Variants in MYO9B observed in about 807,000 individuals in gnomAD.
The protein encoded by MYO9B is unconventional myosin-IXb.
MYO9B carries 71 observed loss-of-function variants against 229.5 expected under a neutral mutation model. The observed-to-expected ratio is 0.31, with a 90% CI of 0.26 to 0.38. The LOEUF is 0.38. MYO9B is among the 10% of genes least tolerant of loss of function. The probability of loss-of-function intolerance (pLI) is 1.00; values close to 1 mark genes in which losing one functional copy is unlikely to be tolerated. For missense variants in MYO9B, 2,255 were observed against 2,920.5 expected (o/e 0.77, Z 5.25); for synonymous variants, 1,185 against 1,235.8 (o/e 0.96, Z 0.86).
At chr19:17,159,519 T>A (rs2072575083) in intron 8 of MYO9B, 35 bp downstream of exon 8, 3 of 1,556,700 alleles carry the variant, frequency 1.9e-6, no homozygotes, top group East Asian at 2.3e-5. Context: ...GGGTGCCAGA[T>A]CCCAAAAACC....
chr19:17,089,396 A>G (rs1452542859), intron 1 of MYO9B, among the ~76,000 whole-genome samples: 1 of 152,244 alleles, frequency 6.6e-6, no homozygotes, highest in East Asian at 1.9e-4. Context: ...TTAGCTTGAG[A>G]ATGATTTCAT....
chr19:17,144,458 G>A (rs140842690), intron 2 of MYO9B, among the ~76,000 whole-genome samples: 1,920 of 147,768 alleles, frequency 0.013, 41 homozygotes, highest in African/African-American at 0.045. Flanking sequence ...TTAGCCAGGC[G>A]TGGTGGTGCA....
In MYO9B at chr19:17,184,323, C is replaced by T. The variant is rs116300303; in HGVS notation, c.2373+455C>T. On this transcript the variant is annotated intron_variant, in intron 16 of 39. Transcript: ENST00000682292. ...CAGACAGGACAGAGAACCTCCCAAG[C>T]GCTCTGTCTCGTTTCCACATACAAG... Among the ~76,000 whole-genome samples, 1,244 of 152,304 alleles carry T rather than the reference C, an allele frequency of 8.2e-3. 13 individuals are homozygous for T. Among genetic ancestry groups the T allele is most frequent in the African/African-American group, 0.028 (1,146 of 41,570 alleles).
chr19:17,095,633 C>G (rs149756278), intron 1 of MYO9B: 2 of 152,194 alleles, frequency 1.3e-5, no homozygotes, highest in African/African-American at 2.4e-5. Flanking sequence ...TTCCACCTTT[C>G]GGCTATTGTG....
At chr19:17,192,477 C>T (rs2072995931) in intron 20 of MYO9B, among the ~76,000 whole-genome samples, 1 of 151,814 alleles carries the variant, frequency 6.6e-6, no homozygotes, top group Non-Finnish European at 1.5e-5. Context: ...CACCTGTAGT[C>T]CCAGCTACTC....
chr19:17,133,329 A>T (rs1261419081), intron 2 of MYO9B, among the ~76,000 whole-genome samples: 2 of 152,176 alleles, frequency 1.3e-5, no homozygotes, highest in Non-Finnish European at 2.9e-5. Flanking sequence ...CAAAATACAA[A>T]AATATTTACA....
At chr19:17,181,762 G>A (rs995549738) in intron 15 of MYO9B, among the ~76,000 whole-genome samples, 14 of 152,030 alleles carry the variant, frequency 9.2e-5, no homozygotes, top group African/African-American at 2.9e-4. Context: ...TCTTTCGTTC[G>A]TTCTTTATTT....
At position 17,110,896 on chromosome 19, in the gene MYO9B, C is replaced by G. The variant is rs574960439; in HGVS notation, c.840+8339C>G. 5.6e-4 allele frequency among the ~76,000 whole-genome samples: 85 copies of G among 152,252 alleles called. 1 individual carries two copies. Among genetic ancestry groups the G allele is most frequent in the African/African-American group, 1.8e-3 (73 of 41,550 alleles). Reference sequence around the variant, plus strand: ...TCTTGGGGCAAAGGAACCTAGGACTCGTACCCACCTGGACCGGGTCCTGAG... The same window carrying G: ...TCTTGGGGCAAAGGAACCTAGGACTGGTACCCACCTGGACCGGGTCCTGAG... On this transcript the variant is annotated intron_variant, in intron 2 of 39. Coordinates refer to ENST00000682292, the MANE Select transcript of MYO9B (RefSeq NM_004145.4).
chr19:17,174,912 C>T (rs769665006), intron 13 of MYO9B, among the ~76,000 whole-genome samples: 31 of 149,748 alleles, frequency 2.1e-4, no homozygotes, highest in Non-Finnish European at 3.4e-4. Flanking sequence ...CCAGCCCAGG[C>T]GACAGTGCAA....
Position 17,156,957 on chromosome 19 carries a change from T to C in MYO9B, c.1248T>C (p.Tyr416=), listed in dbSNP as rs767897149. 61 of 1,613,726 alleles carry C rather than the reference T, an allele frequency of 3.8e-5. No homozygotes were observed. The highest frequency in any genetic ancestry group is 6.7e-5 in the East Asian group (3 of 44,898). ...TCCTGTACCTGGGCAACGTCACTTATAAGAAGAGAGCTACAGGCCGAGAGG... is the reference window on the plus strand; with the variant it reads ...TCCTGTACCTGGGCAACGTCACTTACAAGAAGAGAGCTACAGGCCGAGAGG... The part of the protein sequence containing the change: ...SAILYLGNVT[Y]KKRATGREEG... The change falls in exon 7 of 40, where the codon TAT becomes TAC. Residue 416 remains tyrosine (Y), a synonymous_variant. Coordinates refer to ENST00000682292, the MANE Select transcript of MYO9B (RefSeq NM_004145.4).
intron 8 of MYO9B, among the ~76,000 whole-genome samples, chr19:17,160,516 T>TTC (rs2072587736): frequency 6.7e-6 from 1 of 148,368 alleles, no homozygotes; most frequent in East Asian, 1.9e-4. Flanking sequence ...TTTTCTTTTT[T>TTC]TTTTTTTTTT....
At chr19:17,107,345 C>CCCCG (rs1264034173) in intron 2 of MYO9B, among the ~76,000 whole-genome samples, 1 of 152,162 alleles carries the variant, frequency 6.6e-6, no homozygotes, top group East Asian at 1.9e-4. Context: ...AATGCCTGAG[C>CCCCG]CCCGCAGAAA....
intron 29 of MYO9B, 78 bp downstream of exon 29, chr19:17,202,961 G>A: frequency 6.6e-7 from 1 of 1,525,064 alleles, no homozygotes; most frequent in East Asian, 2.4e-5. Flanking sequence ...CAGTGTCAAT[G>A]TGCGCATGGG....
chr19:17,154,470 G>A, intron 6 of MYO9B, 55 bp downstream of exon 6: 3 of 1,374,988 alleles, frequency 2.2e-6, no homozygotes, highest in South Asian at 1.2e-5. Flanking sequence ...GGGCACGCAT[G>A]GCCCTTACCA....
At chr19:17,080,973 TCAG>T (rs2057528844) in intron 1 of MYO9B, among the ~76,000 whole-genome samples, 1 of 152,158 alleles carries the variant, frequency 6.6e-6, no homozygotes, top group East Asian at 1.9e-4. Flanking sequence ...TGGACACAGC[TCAG>T]CCCATAATAC....
chr19:17,205,998 C>G lies in MYO9B; in HGVS notation c.5103C>G (p.Cys1701Trp). 1 of 1,598,026 alleles carries G rather than the reference C, an allele frequency of 6.3e-7. No individual in the cohort carries two copies. The highest frequency in any genetic ancestry group is 1.1e-5 in the South Asian group (1 of 89,686). Residue 1701 changes from cysteine to tryptophan, a missense_variant, in exon 32 of 40, where the codon TGC (cysteine) becomes TGG (tryptophan). By Grantham distance (215) the Cys-to-Trp change is radical. This residue lies in a region of MYO9B where 416 missense variants were observed against 605.5 expected (regional missense o/e 0.69). Transcript: ENST00000682292. The stretch of plus-strand genomic sequence containing the variant: ...TTGAGCCTGGCCACTTCGGCGTGTG[C>G]GTAGACAGCCTGACCAGCGACAAGG... ...PGVEPGHFGV[C>W]VDSLTSDKAS...
At chr19:17,156,665 T>A (rs1295988259) in intron 6 of MYO9B, among the ~76,000 whole-genome samples, 1 of 152,108 alleles carries the variant, frequency 6.6e-6, no homozygotes, top group Non-Finnish European at 1.5e-5. Context: ...TACAGTGAGC[T>A]ATGATTGTGT....
chr19:17,147,924 T>C (rs766081679), intron 3 of MYO9B, among the ~76,000 whole-genome samples: 29 of 150,984 alleles, frequency 1.9e-4, no homozygotes, highest in Non-Finnish European at 3.0e-4. Flanking sequence ...TCAGGTGATC[T>C]GCCCGCCTTG....
At chr19:17,083,145 C>T (rs1267191978) in intron 1 of MYO9B, among the ~76,000 whole-genome samples, 1 of 150,888 alleles carries the variant, frequency 6.6e-6, no homozygotes, top group Non-Finnish European at 1.5e-5. Context: ...AGTGATCGTC[C>T]TACCTCATTC....
Sources: allele counts gnomAD v4.1 joint callset (sites outside exome capture counted in the v4.1 genomes callset), GRCh38; gene constraint gnomAD v4.1.1; regional missense constraint gnomAD v4.1.1; transcripts MANE v1.5; gene names NCBI Gene and HGNC (gene_info 2026-07-23, HGNC 2026-07-21).